The following SMAD3 variants were observed in gnomAD, a reference collection of about 807,000 sequenced individuals.
The protein encoded by SMAD3 is SMAD family member 3, also known as MAD homolog 3.
SMAD3 carries 12 observed loss-of-function variants against 51.8 expected under a neutral mutation model. The ratio of observed to expected loss-of-function variants is 0.23; its 90% confidence interval spans 0.15 to 0.38. The LOEUF (loss-of-function observed/expected upper bound fraction) is 0.38, where lower values mean the gene tolerates loss of function less well. SMAD3 is among the 10% of genes least tolerant of loss of function. The pLI, the probability that SMAD3 is intolerant of heterozygous loss-of-function variation, is 1.00. For missense variants in SMAD3, 294 were observed against 565.6 expected, an observed-to-expected ratio of 0.52 and a Z score of 4.87; for synonymous variants, 238 against 227.7, an observed-to-expected ratio of 1.05 and a Z score of -0.41.
At chr15:67,071,956 A>G (rs1007073875) in intron 1 of SMAD3, among the ~76,000 whole-genome samples, 2 of 152,216 alleles carry the variant, frequency 1.3e-5, no homozygotes, top group Admixed American at 6.5e-5. Flanking sequence ...CTGAATGAAC[A>G]TAGGTGCTTT....
chr15:67,113,772 C>T (rs1566972560), intron 1 of SMAD3, among the ~76,000 whole-genome samples: 1 of 152,248 alleles, frequency 6.6e-6, no homozygotes, highest in South Asian at 2.1e-4. Flanking sequence ...ACCTGAGCTT[C>T]TCACGCACAG....
At chr15:67,147,455 A>G (rs1249446173) in intron 1 of SMAD3, among the ~76,000 whole-genome samples, 1 of 152,140 alleles carries the variant, frequency 6.6e-6, no homozygotes, top group African/African-American at 2.4e-5. Context: ...TGGAGTAGAA[A>G]AAAAACAACA....
intron 1 of SMAD3, among the ~76,000 whole-genome samples, chr15:67,126,359 C>T (rs573175049): frequency 1.3e-5 from 2 of 152,122 alleles, no homozygotes; most frequent in East Asian, 3.9e-4. Context: ...TCCAGGGGTC[C>T]GGGACCTCCT....
chr15:67,142,724 A>C, intron 1 of SMAD3: 1 of 327,874 alleles, frequency 3.0e-6, no homozygotes, highest in Non-Finnish European at 6.2e-6. Flanking sequence ...ACATTCAAAA[A>C]CCACTGTGCT....
intron 1 of SMAD3, among the ~76,000 whole-genome samples, chr15:67,074,330 A>G (rs577670326): frequency 6.6e-6 from 1 of 152,364 alleles, no homozygotes; most frequent in South Asian, 2.1e-4. Flanking sequence ...ACTAATGACC[A>G]CAGATGCCTA....
At chr15:67,095,776 C>G (rs1960603179) in intron 1 of SMAD3, among the ~76,000 whole-genome samples, 1 of 152,188 alleles carries the variant, frequency 6.6e-6, no homozygotes, top group Non-Finnish European at 1.5e-5. Context: ...CTCAGGTGAT[C>G]CAGCCTTGGG....
intron 1 of SMAD3, among the ~76,000 whole-genome samples, chr15:67,075,159 CA>C (rs1264761117): frequency 1.3e-5 from 2 of 152,052 alleles, no homozygotes; most frequent in East Asian, 3.8e-4. Context: ...GGGCTAAGCC[CA>C]AATGTGGAGT....
At chr15:67,092,608 T>G (rs1052374338) in intron 1 of SMAD3, among the ~76,000 whole-genome samples, 2 of 152,176 alleles carry the variant, frequency 1.3e-5, no homozygotes, top group Admixed American at 1.3e-4. Flanking sequence ...TAGGCAATGA[T>G]GCACCGTGTG....
chr15:67,184,962 C>G (rs1290732909), intron 7 of SMAD3, 98 bp downstream of exon 7: 1 of 1,461,018 alleles, frequency 6.8e-7, no homozygotes, highest in Non-Finnish European at 9.5e-7. Context: ...TTTCTGCTCA[C>G]TCATGATTGC....
intron 1 of SMAD3, among the ~76,000 whole-genome samples, chr15:67,098,004 A>C (rs1253199415): frequency 6.6e-6 from 1 of 152,126 alleles, no homozygotes; most frequent in Non-Finnish European, 1.5e-5. Flanking sequence ...ATGACCTTTG[A>C]CTGTCCATTC....
chr15:67,161,666 C>T (rs1336319585), intron 1 of SMAD3, among the ~76,000 whole-genome samples: 2 of 152,230 alleles, frequency 1.3e-5, no homozygotes, highest in Non-Finnish European at 2.9e-5. Context: ...TACTCCTGTT[C>T]AACCTCCAGC....
intron 1 of SMAD3, among the ~76,000 whole-genome samples, chr15:67,159,075 A>ATT (rs201708159): frequency 2.0e-5 from 3 of 146,662 alleles, no homozygotes; most frequent in Non-Finnish European, 3.0e-5. Flanking sequence ...GGGGAAAAGA[A>ATT]TTTTTTTTTT....
intron 1 of SMAD3, among the ~76,000 whole-genome samples, chr15:67,067,007 G>T (rs1959938101): frequency 6.6e-6 from 1 of 152,224 alleles, no homozygotes; most frequent in South Asian, 2.1e-4. Flanking sequence ...GCAGTGCAAT[G>T]CTCTGACTTC....
rs1392500374 is a variant in SMAD3, at chr15:67,150,311, C to T, written c.207-14584C>T. 3.9e-5 allele frequency among the ~76,000 whole-genome samples: 6 copies of T among 152,300 alleles called. No homozygotes were observed. The East Asian group carries it at 7.7e-4, about 20-fold the overall frequency. ...TTAACACAAAACCTCCTCATTTGCCCTCTTCACCTCTCCCCAACCCCCGCC... is the reference window on the plus strand; with the variant it reads ...TTAACACAAAACCTCCTCATTTGCCTTCTTCACCTCTCCCCAACCCCCGCC... On this transcript the variant is annotated intron_variant, in intron 1 of 8. Transcript: ENST00000327367.
At chr15:67,122,337 C>A (rs1961283961) in intron 1 of SMAD3, among the ~76,000 whole-genome samples, 1 of 152,158 alleles carries the variant, frequency 6.6e-6, no homozygotes, top group African/African-American at 2.4e-5. Context: ...TTTTGCTGTT[C>A]CCCCCAGACC....
intron 6 of SMAD3, among the ~76,000 whole-genome samples, chr15:67,182,495 G>A (rs1250127015): frequency 6.6e-6 from 1 of 152,190 alleles, no homozygotes; most frequent in Non-Finnish European, 1.5e-5. Flanking sequence ...AACTCAGGAG[G>A]TGGGCAGGTT....
chr15:67,109,841 T>A (rs1220515322), intron 1 of SMAD3, among the ~76,000 whole-genome samples: 1 of 152,170 alleles, frequency 6.6e-6, no homozygotes, highest in Non-Finnish European at 1.5e-5. Flanking sequence ...AAGCAGGGGC[T>A]GCCATCAGCC....
rs879395076 is a variant in SMAD3, at chr15:67,121,198, C to T, written c.207-43697C>T. ...TGGGAGGCAGCTTGCTGGCCAGCCC[C>T]GCTGAGTCACCCTCCGGCGTGGAGC... is the stretch of plus-strand genomic sequence containing the variant. On this transcript the variant is annotated intron_variant, in intron 1 of 8. Transcript: ENST00000327367. 5.3e-5 allele frequency among the ~76,000 whole-genome samples: 8 copies of T among 152,362 alleles called. No homozygotes were observed. The East Asian group carries it at 1.2e-3, about 22-fold the overall frequency.
Position 67,184,789 on chromosome 15 carries a change from G to C in SMAD3, c.934G>C (p.Ala312Pro), listed in dbSNP as rs750756638. The C allele has an allele frequency of 1.2e-6, 2 of 1,613,922 alleles. No individual in the cohort carries two copies. The highest frequency in any genetic ancestry group is 1.7e-6 in the Non-Finnish European group (2 of 1,180,038). Residue 312 changes from alanine (A) to proline (P), a missense_variant, in exon 7 of 9, where the codon GCT becomes CCT. Coordinates refer to ENST00000327367, the MANE Select transcript of SMAD3 (RefSeq NM_005902.4). ...CTTCGCAGAGTGCCTCAGTGACAGC[G>C]CTATTTTTGTCCAGTCTCCCAACTG... ...EVFAECLSDS[A>P]IFVQSPNCNQ...
Sources: allele counts gnomAD v4.1 joint callset (sites outside exome capture counted in the v4.1 genomes callset), GRCh38; gene constraint gnomAD v4.1.1; transcripts MANE v1.5; gene names NCBI Gene and HGNC (gene_info 2026-07-23, HGNC 2026-07-21).